Variants in POLA1 observed in about 807,000 individuals in gnomAD.
The protein encoded by POLA1 is DNA polymerase alpha catalytic subunit.
In POLA1, 15 loss-of-function variants were observed where a neutral mutation model predicts 124.0. The ratio of observed to expected loss-of-function variants is 0.12; its 90% CI spans 0.08 to 0.19. The LOEUF (loss-of-function observed/expected upper bound fraction) is 0.19. Ranked by LOEUF, POLA1 falls within the 10% of genes least tolerant of loss-of-function variation. POLA1 has a pLI of 1.00. For missense variants in POLA1, 886 were observed against 1,103.4 expected (o/e 0.80, Z 2.79); for synonymous variants, 408 against 389.4 (o/e 1.05, Z -0.56).
At chrX:24,860,591 GTAA>G (rs755869437) in intron 34 of POLA1, among the ~76,000 whole-genome samples, 8 of 112,594 alleles carry the variant, frequency 7.1e-5, no homozygotes, top group Non-Finnish European at 1.5e-4. Context: ...TCAGATAATA[GTAA>G]TGCAGTATTT....
intron 24 of POLA1, among the ~76,000 whole-genome samples, chrX:24,747,365 A>G (rs1198386333): frequency 9.1e-6 from 1 of 109,912 alleles, no homozygotes; most frequent in African/African-American, 3.3e-5. Context: ...GGGTTTCTCC[A>G]TGTTGGTCAG....
chrX:24,871,415 C>T (rs973793741), intron 34 of POLA1, among the ~76,000 whole-genome samples: 1 of 111,302 alleles, frequency 9.0e-6, no homozygotes, highest in South Asian at 3.8e-4. Flanking sequence ...AGACATTCAC[C>T]GACATATATT....
At chrX:24,796,714 G>A (rs903359215) in intron 26 of POLA1, among the ~76,000 whole-genome samples, 9 of 111,380 alleles carry the variant, frequency 8.1e-5, no homozygotes, top group African/African-American at 2.9e-4. Flanking sequence ...TCCCTGTTAA[G>A]CGTTGAATTT....
intron 35 of POLA1, among the ~76,000 whole-genome samples, chrX:24,924,528 G>C (rs1245951557): frequency 1.8e-5 from 2 of 111,721 alleles, no homozygotes; most frequent in African/African-American, 6.5e-5. Context: ...GCCCTCAGCA[G>C]CTCACATCCT....
intron 36 of POLA1, among the ~76,000 whole-genome samples, chrX:24,989,429 AT>A (rs1189054645): frequency 1.4e-3 from 140 of 101,887 alleles, no homozygotes; most frequent in Admixed American, 1.2e-3. Flanking sequence ...AGATTTTTAG[AT>A]TTTTTTTTTT....
At chrX:24,782,713 G>A (rs1473343078) in intron 26 of POLA1, among the ~76,000 whole-genome samples, 2 of 111,130 alleles carry the variant, frequency 1.8e-5, no homozygotes, top group African/African-American at 6.6e-5. Flanking sequence ...GTTTTATTCT[G>A]TTCAAGTGGT....
intron 15 of POLA1, among the ~76,000 whole-genome samples, chrX:24,730,265 G>A (rs759922041): frequency 2.7e-5 from 3 of 109,855 alleles, no homozygotes; most frequent in African/African-American, 1.0e-4. Flanking sequence ...TTGAGATGGA[G>A]TCTTGCTCTG....
At chrX:24,963,467 T>C (rs902580634) in intron 36 of POLA1, among the ~76,000 whole-genome samples, 13 of 111,854 alleles carry the variant, frequency 1.2e-4, no homozygotes, top group Admixed American at 1.9e-4. Context: ...GTTCCTGTTG[T>C]AGAGTTTCTA....
intron 34 of POLA1, among the ~76,000 whole-genome samples, chrX:24,882,896 C>A (rs747378967): frequency 9.0e-6 from 1 of 111,577 alleles, no homozygotes; most frequent in East Asian, 2.8e-4. Context: ...TGAATGGTAG[C>A]TCTTTTTTAA....
At chrX:24,824,764 CT>C (rs1167458844) in intron 31 of POLA1, among the ~76,000 whole-genome samples, 1 of 110,965 alleles carries the variant, frequency 9.0e-6, no homozygotes, top group Non-Finnish European at 1.9e-5. Flanking sequence ...TAAAACTAGT[CT>C]TTTGTGTGAA....
chrX:24,789,034 G>C, intron 26 of POLA1: 3 of 1,209,992 alleles, frequency 2.5e-6, no homozygotes, highest in Non-Finnish European at 3.4e-6. Flanking sequence ...TGAGCACCTG[G>C]AGGCCGGCGG....
chrX:24,957,656 C>G (rs1362300517), intron 36 of POLA1, among the ~76,000 whole-genome samples: 2 of 111,557 alleles, frequency 1.8e-5, no homozygotes, highest in Non-Finnish European at 3.8e-5. Context: ...GTTGTTTGTG[C>G]TTATACAAAT....
chrX:24,824,460 CTTTTTTT>C (rs781633550), intron 31 of POLA1, among the ~76,000 whole-genome samples: 11 of 67,086 alleles, frequency 1.6e-4, no homozygotes, highest in African/African-American at 5.8e-4. Context: ...GCCTGGCTAA[CTTTTTTT>C]TTTTTTTTTT....
At chrX:24,813,791 G>A (rs1179607994) in intron 29 of POLA1, among the ~76,000 whole-genome samples, 1 of 99,251 alleles carries the variant, frequency 1.0e-5, no homozygotes, top group Non-Finnish European at 2.0e-5. Flanking sequence ...TCCAGCCTGG[G>A]CAAAGAAGTG....
chrX:24,891,656 T>C (rs1320325992), intron 35 of POLA1, among the ~76,000 whole-genome samples: 1 of 111,980 alleles, frequency 8.9e-6, no homozygotes, highest in Non-Finnish European at 1.9e-5. Flanking sequence ...TCTGTCTCAA[T>C]CATACCTTAC....
At chrX:24,780,608 A>G (rs2045243036) in intron 26 of POLA1, among the ~76,000 whole-genome samples, 1 of 111,735 alleles carries the variant, frequency 8.9e-6, no homozygotes, top group Non-Finnish European at 1.9e-5. Context: ...TAATATGGTG[A>G]TTTATAATGA....
chrX:24,822,554 G>A (rs2046106853), intron 31 of POLA1, among the ~76,000 whole-genome samples: 1 of 112,204 alleles, frequency 8.9e-6, no homozygotes, highest in African/African-American at 3.2e-5. Flanking sequence ...CCTGCTATAT[G>A]CTGTGGATGT....
intron 2 of POLA1, among the ~76,000 whole-genome samples, chrX:24,702,122 A>G (rs1205369861): frequency 7.1e-5 from 7 of 98,696 alleles, no homozygotes; most frequent in South Asian, 9.7e-4. Context: ...AGTGCAGTGC[A>G]TGATCTCGGC....
At chrX:24,726,337 G>A (rs1930535038) in intron 13 of POLA1, among the ~76,000 whole-genome samples, 1 of 112,242 alleles carries the variant, frequency 8.9e-6, no homozygotes, top group Non-Finnish European at 1.9e-5. Flanking sequence ...ACATGATGGA[G>A]TTGGACATCA....
Sources: gnomAD v4.1 joint callset for allele counts (sites outside exome capture counted in the v4.1 genomes callset) on GRCh38, gnomAD v4.1.1 for gene constraint, MANE v1.5 for transcripts, NCBI Gene and HGNC (gene_info 2026-07-23, HGNC 2026-07-21) for gene names.